DNAI1: variants seen among roughly 807,000 people sequenced by gnomAD.
DNAI1 encodes dynein, axonemal, intermediate polypeptide 1.
In DNAI1, 67 loss-of-function variants were observed where a neutral mutation model predicts 92.0. The ratio of observed to expected loss-of-function variants is 0.73; its 90% CI spans 0.60 to 0.89. The LOEUF (loss-of-function observed/expected upper bound fraction) is 0.89, where lower values mean the gene tolerates loss of function less well. Among genes scored for constraint, DNAI1 ranks in the 40% least tolerant of loss-of-function variants. The pLI, the probability that DNAI1 is intolerant of heterozygous loss-of-function variation, is 0.00. For missense variants in DNAI1, 839 were observed against 866.6 expected (o/e 0.97, Z 0.40); for synonymous variants, 323 against 319.6 (o/e 1.01, Z -0.11).
intron 18 of DNAI1, 61 bp from the exon 19 acceptor site, chr9:34,517,224 C>T (rs928509923): frequency 2.5e-6 from 4 of 1,572,574 alleles, no homozygotes; most frequent in Non-Finnish European, 3.5e-6. Context: ...GGGACTCATT[C>T]CTCTGAGGTG....
chr9:34,509,863 G>A (rs765156100), intron 13 of DNAI1, among the ~76,000 whole-genome samples: 11 of 147,678 alleles, frequency 7.4e-5, no homozygotes, highest in Non-Finnish European at 1.3e-4. Context: ...ACTGCAGTCC[G>A]CAGTCCGGCC....
At chr9:34,509,849 C>T (rs1825028588) in intron 13 of DNAI1, among the ~76,000 whole-genome samples, 1 of 150,136 alleles carries the variant, frequency 6.7e-6, no homozygotes, top group African/African-American at 2.5e-5. Flanking sequence ...AAAACAGTTG[C>T]GCCACTGCAG....
At chr9:34,520,062 G>A (rs1293403296) in intron 19 of DNAI1, among the ~76,000 whole-genome samples, 2 of 152,106 alleles carry the variant, frequency 1.3e-5, no homozygotes, top group East Asian at 1.9e-4. Flanking sequence ...GGAGTCACAT[G>A]GACTATTCCC....
At chr9:34,499,188 G>C (rs1824779062) in intron 10 of DNAI1, among the ~76,000 whole-genome samples, 2 of 152,188 alleles carry the variant, frequency 1.3e-5, no homozygotes, top group Non-Finnish European at 2.9e-5. Flanking sequence ...GATAACCCAA[G>C]CGGGGTAATC....
At chr9:34,499,453 CTGTT>C (rs1824784790) in intron 10 of DNAI1, among the ~76,000 whole-genome samples, 1 of 152,170 alleles carries the variant, frequency 6.6e-6, no homozygotes, top group Admixed American at 6.5e-5. Flanking sequence ...TGTTGGTTGT[CTGTT>C]TTGTGGCTGG....
intron 1 of DNAI1, among the ~76,000 whole-genome samples, chr9:34,460,809 C>T (rs1823938636): frequency 6.6e-6 from 1 of 152,068 alleles, no homozygotes; most frequent in Non-Finnish European, 1.5e-5. Context: ...CAGGCATGCA[C>T]CACCATGCCT....
chr9:34,486,191 T>C (rs934358820), intron 4 of DNAI1, among the ~76,000 whole-genome samples: 9 of 152,172 alleles, frequency 5.9e-5, no homozygotes, highest in Non-Finnish European at 1.5e-5. Flanking sequence ...GTGCATATGT[T>C]TCCTATTTCG....
At chr9:34,499,029 A>T (rs1233854394) in intron 10 of DNAI1, among the ~76,000 whole-genome samples, 1 of 152,210 alleles carries the variant, frequency 6.6e-6, no homozygotes, top group Non-Finnish European at 1.5e-5. Context: ...ACTTTCATTT[A>T]TAAGAACACA....
chr9:34,487,334 C>T (rs560582457), intron 4 of DNAI1, among the ~76,000 whole-genome samples: 9 of 152,076 alleles, frequency 5.9e-5, no homozygotes, highest in Non-Finnish European at 1.0e-4. Flanking sequence ...TACAGGCGCC[C>T]GCCACCACAC....
intron 4 of DNAI1, among the ~76,000 whole-genome samples, chr9:34,487,578 C>A (rs781459341): frequency 1.3e-5 from 2 of 152,060 alleles, no homozygotes; most frequent in African/African-American, 2.4e-5. Flanking sequence ...GCCTTATCCT[C>A]CCTGATGTTT....
At chr9:34,487,341 A>T (rs2132059289) in intron 4 of DNAI1, among the ~76,000 whole-genome samples, 1 of 151,996 alleles carries the variant, frequency 6.6e-6, no homozygotes, top group South Asian at 2.1e-4. Context: ...GCCCGCCACC[A>T]CACCCGGCTA....
rs1450955405 is a variant in DNAI1, at chr9:34,462,658, G to A, written c.48+3605G>A. ...TGAAGCTGGGATGGGGAGACTTGTG[G>A]GGAATTATAACAAGGAAATGTAACT... On this transcript the variant is annotated intron_variant, in intron 1 of 19. Transcript: ENST00000242317. 3.3e-5 allele frequency among the ~76,000 whole-genome samples: 5 copies of A among 152,192 alleles called. No homozygotes were observed. The East Asian group carries it at 9.6e-4, about 29-fold the overall frequency.
intron 1 of DNAI1, among the ~76,000 whole-genome samples, chr9:34,467,028 G>C (rs1488072284): frequency 6.6e-6 from 1 of 152,166 alleles, no homozygotes; most frequent in Non-Finnish European, 1.5e-5. Flanking sequence ...AAGATCCTAT[G>C]GCTCTTTAAG....
Position 34,458,817 on chromosome 9 carries a change from A to G in DNAI1, c.-189A>G, listed in dbSNP as rs1823874536. 3.1e-6 allele frequency: 2 copies of G among 653,124 alleles called. No homozygotes were observed. The highest frequency in any genetic ancestry group is 5.5e-5 in the East Asian group (2 of 36,354). 40.5% of individuals were successfully genotyped at this position (653,124 alleles called of 1,614,324 possible). ...TTGGCTGCTGGTCGGTTGCTGGGTA[A>G]CCGCGTCAGGGAGTTGGATTCTATC... is the stretch of plus-strand genomic sequence containing the variant. On this transcript the variant is annotated 5_prime_UTR_variant, in exon 1 of 20. Coordinates refer to ENST00000242317, the MANE Select transcript of DNAI1 (RefSeq NM_012144.4). This position sits in a 1 kb window ranked among gnomAD's most constrained non-coding sequence, Gnocchi z 6.6.
intron 1 of DNAI1, among the ~76,000 whole-genome samples, chr9:34,477,027 T>G (rs1344250144): frequency 6.6e-6 from 1 of 152,104 alleles, no homozygotes; most frequent in East Asian, 1.9e-4. Flanking sequence ...TTATTTTATT[T>G]TATTTTGAGA....
intron 4 of DNAI1, among the ~76,000 whole-genome samples, chr9:34,486,697 G>A (rs1464065871): frequency 2.0e-5 from 3 of 151,946 alleles, no homozygotes; most frequent in Non-Finnish European, 4.4e-5. Flanking sequence ...TACATTTATG[G>A]GTTGTACAAT....
intron 9 of DNAI1, among the ~76,000 whole-genome samples, chr9:34,494,169 C>T (rs1383214945): frequency 2.0e-5 from 3 of 152,080 alleles, no homozygotes; most frequent in Non-Finnish European, 2.9e-5. Flanking sequence ...CATGGCTGCT[C>T]TCGGGGAAGT....
At chr9:34,479,929 G>A (rs1824317770) in intron 1 of DNAI1, among the ~76,000 whole-genome samples, 1 of 152,138 alleles carries the variant, frequency 6.6e-6, no homozygotes, top group African/African-American at 2.4e-5. Context: ...TATCATGCAA[G>A]AGCTGCAAGA....
intron 1 of DNAI1, among the ~76,000 whole-genome samples, chr9:34,481,907 G>A (rs867797803): frequency 1.3e-5 from 2 of 152,208 alleles, no homozygotes; most frequent in East Asian, 1.9e-4. Flanking sequence ...AAGGGGACCC[G>A]AGCAGGTTGC....
Sources: gnomAD v4.1 joint callset for allele counts (sites outside exome capture counted in the v4.1 genomes callset) on GRCh38, gnomAD v4.1.1 for gene constraint, Gnocchi (gnomAD v3.1) non-coding constraint, MANE v1.5 for transcripts, NCBI Gene and HGNC (gene_info 2026-07-23, HGNC 2026-07-21) for gene names.